Variants in MAP3K7CL observed in about 807,000 individuals in gnomAD.
MAP3K7CL encodes the protein MAP3K7 C-terminal like, also known as MAP3K7 C-terminal-like protein.
Under a neutral mutation model 18.6 loss-of-function variants are expected in MAP3K7CL, and 16 were observed. That is an observed-to-expected ratio of 0.86 (90% CI 0.58 to 1.31). The LOEUF (loss-of-function observed/expected upper bound fraction) is 1.31, where lower values mean the gene tolerates loss of function less well. Ranked by LOEUF, MAP3K7CL falls within the 50% of genes most tolerant of loss-of-function variation. MAP3K7CL has a pLI of 0.00. For synonymous variants in MAP3K7CL, 65 were observed against 66.8 expected (o/e 0.97, Z 0.13); for missense variants, 163 against 174.4 (o/e 0.93, Z 0.37).
At chr21:29,102,089 G>A (rs1047989685) in intron 4 of MAP3K7CL, among the ~76,000 whole-genome samples, 1 of 152,260 alleles carries the variant, frequency 6.6e-6, no homozygotes, top group Non-Finnish European at 1.5e-5. Context: ...ACATCCCAGG[G>A]GCACTGCTGG....
At chr21:29,092,624 G>C (rs1187300694) in intron 4 of MAP3K7CL, 1 of 1,609,058 alleles carries the variant, frequency 6.2e-7, no homozygotes. Flanking sequence ...GGTTCTGAAG[G>C]CTTTTTACAC....
chr21:29,135,441 G>A (rs2086865727), intron 2 of MAP3K7CL, among the ~76,000 whole-genome samples: 1 of 152,122 alleles, frequency 6.6e-6, no homozygotes. Flanking sequence ...ACAATCAACA[G>A]CCTCACAAAG....
chr21:29,113,745 A>G (rs2086458844), intron 4 of MAP3K7CL, among the ~76,000 whole-genome samples: 1 of 152,096 alleles, frequency 6.6e-6, no homozygotes, highest in Admixed American at 6.6e-5. Flanking sequence ...AGTGGTCTCA[A>G]TCTCCTGACC....
upstream of MAP3K7CL, among the ~76,000 whole-genome samples, chr21:29,082,601 C>G (rs1369555996): frequency 2.0e-5 from 3 of 152,128 alleles, no homozygotes; most frequent in African/African-American, 7.2e-5. Context: ...AGGGAGCAAG[C>G]AGCAATGTGT....
intron 1 of MAP3K7CL, among the ~76,000 whole-genome samples, chr21:29,079,499 A>T (rs913021941): frequency 1.3e-5 from 2 of 152,210 alleles, no homozygotes. Flanking sequence ...TACGTGTTTC[A>T]TATTCAAACA....
At chr21:29,150,954 G>GT (rs2087257959) in intron 3 of MAP3K7CL, among the ~76,000 whole-genome samples, 1 of 151,298 alleles carries the variant, frequency 6.6e-6, no homozygotes, top group African/African-American at 2.4e-5. Flanking sequence ...ATTTTTAGTA[G>GT]AGACGGGGTT....
chr21:29,151,869 C>A (rs1412757407), intron 3 of MAP3K7CL, among the ~76,000 whole-genome samples: 2 of 152,178 alleles, frequency 1.3e-5, no homozygotes, highest in Non-Finnish European at 2.9e-5. Context: ...TTTAATTCCA[C>A]TTGACATATG....
intron 4 of MAP3K7CL, among the ~76,000 whole-genome samples, chr21:29,101,723 A>G (rs957977214): frequency 2.0e-5 from 3 of 152,096 alleles, no homozygotes; most frequent in African/African-American, 7.2e-5. Flanking sequence ...TAACATTTTT[A>G]TCAGTGACTT....
chr21:29,110,887 A>G (rs1601171758), intron 4 of MAP3K7CL, among the ~76,000 whole-genome samples: 1 of 152,296 alleles, frequency 6.6e-6, no homozygotes. Context: ...CTGAACGTAT[A>G]TATTTTAAAA....
intron 4 of MAP3K7CL, among the ~76,000 whole-genome samples, chr21:29,104,918 G>A (rs1338771553): frequency 6.6e-6 from 1 of 152,152 alleles, no homozygotes; most frequent in Non-Finnish European, 1.5e-5. Flanking sequence ...AGATCCATTC[G>A]ATAGTTTTTC....
chr21:29,092,393 T>C, intron 3 of MAP3K7CL: 1 of 1,609,422 alleles, frequency 6.2e-7, no homozygotes, highest in Admixed American at 1.7e-5. Context: ...CTGTGCGGGG[T>C]CATTTGTCTC....
Position 29,130,901 on chromosome 21 carries a change from G to A in MAP3K7CL, c.-62G>A. 2.0e-6 allele frequency: 2 copies of A among 985,558 alleles called. No homozygotes were observed. The highest frequency in any genetic ancestry group is 9.4e-5 in the South Asian group (2 of 21,292). 61.1% of individuals were successfully genotyped at this position (985,558 alleles called of 1,614,324 possible). On this transcript the variant is annotated 5_prime_UTR_variant, in exon 1 of 5. The change creates a new upstream start codon in the 5' untranslated region. Coordinates refer to ENST00000399928, the MANE Select transcript of MAP3K7CL (RefSeq NM_001286620.2). ...CAGTGGCTGGCTCTGGGTTACACAAGTGCAGACACTCAACTAAGTGAGGTA... is the reference window on the plus strand; with the variant it reads ...CAGTGGCTGGCTCTGGGTTACACAAATGCAGACACTCAACTAAGTGAGGTA...
chr21:29,151,434 A>G (rs1028334814), intron 3 of MAP3K7CL, among the ~76,000 whole-genome samples: 1 of 152,012 alleles, frequency 6.6e-6, no homozygotes, highest in African/African-American at 2.4e-5. Flanking sequence ...AGATCGTACC[A>G]CTGCACTCCA....
chr21:29,093,623 C>T lies in MAP3K7CL; in HGVS notation c.370+1042C>T, dbSNP rs962459360. Among the ~76,000 whole-genome samples, 7 of 151,930 alleles carry T rather than the reference C, an allele frequency of 4.6e-5. No individual in the cohort carries two copies. In the South Asian group the frequency reaches 6.2e-4, roughly 14 times the overall value. ...CAGCCTCCCGAGTAGCTGGGACTGC[C>T]GGCACCCGCCACCACGCCGGGCTAA... On this transcript the variant is annotated intron_variant, in intron 4 of 6. Coordinates refer to the MAP3K7CL transcript ENST00000286791.
intron 3 of MAP3K7CL, among the ~76,000 whole-genome samples, chr21:29,159,226 T>C (rs1189126093): frequency 6.6e-6 from 1 of 152,208 alleles, no homozygotes. Context: ...AAAAATAAAC[T>C]TGGGGAAAAC....
chr21:29,148,579 C>T (rs568401837), intron 2 of MAP3K7CL, among the ~76,000 whole-genome samples: 6 of 152,272 alleles, frequency 3.9e-5, no homozygotes, highest in South Asian at 4.1e-4. Context: ...TGGGCTCTGG[C>T]GCTCCCTAAC....
At chr21:29,148,234 G>A (rs948150909) in intron 2 of MAP3K7CL, among the ~76,000 whole-genome samples, 19 of 151,444 alleles carry the variant, frequency 1.3e-4, no homozygotes, top group Admixed American at 2.0e-4. Flanking sequence ...TGTATGTGTA[G>A]GTATACTGTA....
intron 3 of MAP3K7CL, among the ~76,000 whole-genome samples, chr21:29,152,326 C>T (rs1369394498): frequency 6.6e-6 from 1 of 152,178 alleles, no homozygotes. Context: ...CCTTCTGTTG[C>T]AGGAAGTCTC....
rs140160806 is a variant in MAP3K7CL at position 29,121,566 on chromosome 21, G to T, written c.371-27623G>T. On this transcript the variant is annotated intron_variant, in intron 4 of 6. Coordinates refer to the MAP3K7CL transcript ENST00000286791. The stretch of plus-strand genomic sequence containing the variant: ...CTCATTCACATGGGAGGTTTGGTTG[G>T]CATTTGGTCCTTTCTTGCAGTAGGA... 1.3e-3 allele frequency among the ~76,000 whole-genome samples: 194 copies of T among 152,240 alleles called. 1 individual carries two copies. The highest frequency in any genetic ancestry group is 4.4e-3 in the African/African-American group (184 of 41,536).
Sources: allele counts gnomAD v4.1 joint callset (sites outside exome capture counted in the v4.1 genomes callset), GRCh38; gene constraint gnomAD v4.1.1; transcripts MANE v1.5; gene names NCBI Gene and HGNC (gene_info 2026-07-23, HGNC 2026-07-21).